Variants in NSD1 observed in about 807,000 individuals in gnomAD.
NSD1 encodes the protein nuclear receptor binding SET domain protein 1.
A neutral mutation model predicts 242.7 loss-of-function variants in NSD1; 26 were observed. That is an observed-to-expected ratio of 0.11 (90% CI 0.08 to 0.15). The LOEUF (loss-of-function observed/expected upper bound fraction) is 0.15. Ranked by LOEUF, NSD1 falls within the 10% of genes least tolerant of loss-of-function variation. NSD1 has a pLI of 1.00. For missense variants in NSD1, 2,495 were observed against 3,272.8 expected (o/e 0.76, Z 5.80); for synonymous variants, 1,106 against 1,178.1 (o/e 0.94, Z 1.25).
intron 5 of NSD1, among the ~76,000 whole-genome samples, chr5:177,231,460 T>G (rs545018419): frequency 6.6e-5 from 10 of 152,312 alleles, no homozygotes; most frequent in Non-Finnish European, 1.2e-4. Flanking sequence ...TATTATTATT[T>G]TTTGAGATGG....
chr5:177,164,408 C>A (rs1298561304), intron 2 of NSD1, among the ~76,000 whole-genome samples: 2 of 151,928 alleles, frequency 1.3e-5, no homozygotes, highest in African/African-American at 4.8e-5. Flanking sequence ...CCGCCTGCCT[C>A]GGCCTCCCAA....
Position 177,257,155 on chromosome 5 carries a change from T to C in NSD1, c.4966+4T>C. On this transcript the variant is annotated splice_donor_region_variant and intron_variant, in intron 13 of 22. Transcript: ENST00000439151. Reference sequence around the variant, plus strand: ...GCCAATGTTTCTGCATCTAAAGGTATGGATTTCTTATGTGGACCAGTCTAA... The same window carrying C: ...GCCAATGTTTCTGCATCTAAAGGTACGGATTTCTTATGTGGACCAGTCTAA... 1 of 1,612,566 alleles carries C rather than the reference T, an allele frequency of 6.2e-7. No homozygotes were observed. The highest frequency in any genetic ancestry group is 2.2e-5 in the East Asian group (1 of 44,876).
chr5:177,170,294 T>C (rs1334919369), intron 2 of NSD1, among the ~76,000 whole-genome samples: 1 of 151,922 alleles, frequency 6.6e-6, no homozygotes, highest in Non-Finnish European at 1.5e-5. Flanking sequence ...TTATTTTTTT[T>C]TCTTTTTTTG....
chr5:177,217,473 T>C (rs924263853), intron 5 of NSD1, among the ~76,000 whole-genome samples: 1 of 152,180 alleles, frequency 6.6e-6, no homozygotes, highest in Non-Finnish European at 1.5e-5. Context: ...GCCTAATTAC[T>C]CTGCTAGGAC....
intron 2 of NSD1, among the ~76,000 whole-genome samples, chr5:177,167,727 T>C (rs1759329310): frequency 6.6e-6 from 1 of 152,202 alleles, no homozygotes; most frequent in Non-Finnish European, 1.5e-5. Context: ...TGGTTTTACT[T>C]AGAGTTTTTG....
intron 8 of NSD1, among the ~76,000 whole-genome samples, chr5:177,241,483 C>T (rs763598410): frequency 2.0e-5 from 3 of 151,108 alleles, no homozygotes; most frequent in Non-Finnish European, 2.9e-5. Context: ...CCAGCCTAGG[C>T]GACAGAGCGA....
intron 5 of NSD1, among the ~76,000 whole-genome samples, chr5:177,220,111 T>C (rs1307763177): frequency 6.6e-6 from 1 of 152,216 alleles, no homozygotes; most frequent in Non-Finnish European, 1.5e-5. Context: ...TGATCTTCAT[T>C]GTGGTTCTCT....
chr5:177,159,160 A>G (rs1758519233), intron 2 of NSD1, among the ~76,000 whole-genome samples: 1 of 150,788 alleles, frequency 6.6e-6, no homozygotes, highest in Non-Finnish European at 1.5e-5. Context: ...CTTGTACCTC[A>G]GCCTCCCGAG....
intron 5 of NSD1, among the ~76,000 whole-genome samples, chr5:177,224,388 A>C (rs1328325992): frequency 6.6e-6 from 1 of 152,140 alleles, no homozygotes; most frequent in African/African-American, 2.4e-5. Context: ...ACTTAAAAAA[A>C]TTTATTCCTA....
At chr5:177,247,242 C>G (rs1354865941) in intron 10 of NSD1, among the ~76,000 whole-genome samples, 1 of 152,150 alleles carries the variant, frequency 6.6e-6, no homozygotes, top group Non-Finnish European at 1.5e-5. Flanking sequence ...CCAGCCTCGC[C>G]AACATGGTGA....
At chr5:177,218,807 G>A (rs910398968) in intron 5 of NSD1, among the ~76,000 whole-genome samples, 4 of 151,320 alleles carry the variant, frequency 2.6e-5, no homozygotes, top group Admixed American at 2.6e-4. Context: ...CTGACCTTGT[G>A]ATCCGCCCTC....
Position 177,299,545 on chromosome 5 carries a change from A to T in NSD1, c.*4086A>T, listed in dbSNP as rs1261306360. The T allele has an allele frequency of 1.3e-5, 3 of 233,068 alleles. No individual in the cohort carries two copies. The Admixed American group carries it at 1.7e-4, about 13-fold the overall frequency. The allele number at this position is 233,068 out of a possible 1,614,324, so 14.4% of individuals were successfully genotyped here. A position where few individuals can be genotyped will look rare whatever the true frequency, so the allele number is the denominator to read the frequency against. On this transcript the variant is annotated 3_prime_UTR_variant, in exon 23 of 23. Coordinates refer to ENST00000439151, the MANE Select transcript of NSD1 (RefSeq NM_022455.5). Reference sequence around the variant, plus strand: ...CCTTCTGCCCCTCTCTACCTCTTCCACTCATGGAAGCCCCTCTACTGCTTA... The same window carrying T: ...CCTTCTGCCCCTCTCTACCTCTTCCTCTCATGGAAGCCCCTCTACTGCTTA...
chr5:177,215,308 C>T (rs1763685671), intron 5 of NSD1, among the ~76,000 whole-genome samples: 1 of 150,756 alleles, frequency 6.6e-6, no homozygotes, highest in South Asian at 2.1e-4. Flanking sequence ...TTTCAAGTAG[C>T]TGGGATTACA....
Position 177,288,945 on chromosome 5 carries a change from C to A in NSD1, c.6258+20C>A, listed in dbSNP as rs1473482527. ...CCAAAGGTACCACCCTTCTAGACTT[C>A]TGCTTTGGGATTAGTGGTGCGGTCC... On this transcript the variant is annotated intron_variant, in intron 21 of 22. Transcript: ENST00000439151. 1.3e-6 allele frequency: 2 copies of A among 1,566,506 alleles called. No individual in the cohort carries two copies. Among genetic ancestry groups the A allele is most frequent in the Non-Finnish European group, 1.8e-6 (2 of 1,136,626 alleles).
chr5:177,144,444 G>C (rs1249463887), intron 2 of NSD1, among the ~76,000 whole-genome samples: 1 of 151,786 alleles, frequency 6.6e-6, no homozygotes, highest in African/African-American at 2.4e-5. Flanking sequence ...ATTAACTGCT[G>C]TTGACAGTTT....
intron 21 of NSD1, 66 bp downstream of exon 21, chr5:177,288,991 G>A: frequency 9.2e-7 from 1 of 1,090,332 alleles, no homozygotes; most frequent in Non-Finnish European, 1.4e-6. Context: ...ACAGTGTTAG[G>A]GCAGTCTACA....
chr5:177,240,573 C>T (rs1036807153), intron 8 of NSD1, among the ~76,000 whole-genome samples: 1 of 151,946 alleles, frequency 6.6e-6, no homozygotes, highest in East Asian at 1.9e-4. Flanking sequence ...ATTAGCTGGG[C>T]GTGGTGGCAG....
Position 177,146,363 on chromosome 5 carries a change from G to A in NSD1, c.927+10333G>A, listed in dbSNP as rs537896589. Among the ~76,000 whole-genome samples, 49 of 151,660 alleles carry A rather than the reference G, an allele frequency of 3.2e-4. No homozygotes were observed. In the East Asian group the frequency reaches 9.6e-3, roughly 30 times the overall value. On this transcript the variant is annotated intron_variant, in intron 2 of 22. Transcript: ENST00000439151. ...TGGGACTACAGGCGTGTGCTATGAC[G>A]CCCAGCTAGTTTTTGTATTTTTAGT...
intron 22 of NSD1, among the ~76,000 whole-genome samples, chr5:177,293,232 T>A (rs914960016): frequency 7.2e-5 from 11 of 152,150 alleles, no homozygotes; most frequent in Non-Finnish European, 1.2e-4. Flanking sequence ...TCATGAAATG[T>A]GGGGAGGCAG....
Sources: allele counts gnomAD v4.1 joint callset (sites outside exome capture counted in the v4.1 genomes callset), GRCh38; gene constraint gnomAD v4.1.1; transcripts MANE v1.5; gene names NCBI Gene and HGNC (gene_info 2026-07-23, HGNC 2026-07-21).